NHSL1: variants seen among roughly 807,000 people sequenced by gnomAD.
NHSL1 encodes the protein NHS-like protein 1.
A neutral mutation model predicts 95.0 loss-of-function variants in NHSL1; 48 were observed. The ratio of observed to expected loss-of-function variants is 0.51; its 90% CI spans 0.40 to 0.64. The LOEUF (loss-of-function observed/expected upper bound fraction) is 0.64. Among genes scored for constraint, NHSL1 ranks in the 30% least tolerant of loss-of-function variants. NHSL1 has a pLI of 0.00. For missense variants in NHSL1, 1,971 were observed against 2,077.7 expected (o/e 0.95, Z 1.00); for synonymous variants, 783 against 833.9 (o/e 0.94, Z 1.05).
intron 1 of NHSL1, among the ~76,000 whole-genome samples, chr6:138,671,243 G>T (rs899219858): frequency 3.3e-5 from 5 of 152,002 alleles, no homozygotes; most frequent in Non-Finnish European, 7.4e-5. Context: ...GATCACTTAA[G>T]GTCAGGAGTT....
chr6:138,424,220 TC>T lies in NHSL1; in HGVS notation c.4681del (p.Asp1561ThrfsTer42). 6.6e-7 allele frequency: 1 copy of T among 1,505,560 alleles called. No homozygotes were observed. The highest frequency in any genetic ancestry group is 8.9e-7 in the Non-Finnish European group (1 of 1,128,752). The allele number at this position is 1,505,560 out of a possible 1,614,324, so 93.3% of individuals were successfully genotyped here. A position where few individuals can be genotyped will look rare whatever the true frequency, so the allele number is the denominator to read the frequency against. The part of the protein sequence containing the change: ...SLDGLAREEM[D>X]EGGLLCGEGP... ...CTCCCCACAGAGCAGGCCGCCCTCG[TC>T]CATCTCCTCCCTCGCCAGTCCGTCC... On this transcript the variant is annotated frameshift_variant, in exon 8 of 8. Coordinates refer to ENST00000343505, the MANE Select transcript of NHSL1 (RefSeq NM_001144060.2). LOFTEE classifies it low-confidence loss of function (END_TRUNC). The surrounding 1 kb of genome is among the most constrained non-coding windows in gnomAD (Gnocchi z 5.9).
rs1388655049 is a variant in NHSL1, at chr6:138,429,791, G to C, written c.4005C>G (p.Phe1335Leu). ...AAGSSSEACD[F>L]LKEDGNDEVM... ...CCTCATCATTCCCGTCTTCCTTGAG[G>C]AAGTCACAGGCCTCTGAGGATGAAC... The change falls in exon 7 of 8, where the codon TTC becomes TTG. Residue 1335 changes from phenylalanine (F) to leucine (L), a missense_variant. By Grantham distance (22) the Phe-to-Leu change is conservative (BLOSUM62 0). This residue lies in a region of NHSL1 where 146 missense variants were observed against 206.3 expected (regional missense o/e 0.71). Transcript: ENST00000343505. 1 of 1,551,640 alleles carries C rather than the reference G, an allele frequency of 6.4e-7. No individual in the cohort carries two copies. Among genetic ancestry groups the C allele is most frequent in the Non-Finnish European group, 8.7e-7 (1 of 1,146,996 alleles).
chr6:138,619,186 A>G (rs1164232431), intron 1 of NHSL1, among the ~76,000 whole-genome samples: 1 of 152,088 alleles, frequency 6.6e-6, no homozygotes, highest in Admixed American at 6.5e-5. Context: ...AAAAACACAA[A>G]AATTATCCGG....
intron 1 of NHSL1, among the ~76,000 whole-genome samples, chr6:138,603,210 T>C (rs1784393214): frequency 6.6e-6 from 1 of 152,074 alleles, no homozygotes; most frequent in African/African-American, 2.4e-5. Flanking sequence ...TTTTTTTAAA[T>C]TTTACATTTT....
chr6:138,632,147 G>T (rs1784827683), intron 1 of NHSL1, among the ~76,000 whole-genome samples: 2 of 152,244 alleles, frequency 1.3e-5, no homozygotes, highest in Admixed American at 6.5e-5. Flanking sequence ...TTGGGAAAGG[G>T]GAGGGAAAAG....
intron 1 of NHSL1, among the ~76,000 whole-genome samples, chr6:138,660,375 C>A (rs1785210968): frequency 6.6e-6 from 1 of 152,116 alleles, no homozygotes; most frequent in East Asian, 1.9e-4. Flanking sequence ...AAACTCAGAC[C>A]TGATTACATA....
At chr6:138,527,213 T>C (rs955026684) in intron 1 of NHSL1, among the ~76,000 whole-genome samples, 2 of 152,046 alleles carry the variant, frequency 1.3e-5, no homozygotes, top group African/African-American at 4.8e-5. Context: ...CAGATGAGGA[T>C]TTCTTTCATG....
intron 1 of NHSL1, among the ~76,000 whole-genome samples, chr6:138,668,633 T>C (rs1434987494): frequency 6.7e-6 from 1 of 149,904 alleles, no homozygotes; most frequent in African/African-American, 2.4e-5. Context: ...TTTCTTTTTT[T>C]TTTTTTTTTT....
At chr6:138,446,771 G>A (rs1469435175) in intron 4 of NHSL1, 2 of 532,936 alleles carry the variant, frequency 3.8e-6, no homozygotes. Context: ...GGACCACTGA[G>A]TTCTTTGACA....
At chr6:138,513,504 T>C (rs1781323754) in intron 1 of NHSL1, among the ~76,000 whole-genome samples, 1 of 152,180 alleles carries the variant, frequency 6.6e-6, no homozygotes, top group Non-Finnish European at 1.5e-5. Flanking sequence ...CCCAAGTAGC[T>C]GGGATGAGTA....
At chr6:138,567,136 G>C (rs1395722246) in intron 1 of NHSL1, among the ~76,000 whole-genome samples, 1 of 150,782 alleles carries the variant, frequency 6.6e-6, no homozygotes, top group Non-Finnish European at 1.5e-5. Context: ...CTTTATGTTT[G>C]TTTGGTTTTG....
At chr6:138,512,825 T>G (rs531910892) in intron 1 of NHSL1, among the ~76,000 whole-genome samples, 25 of 152,316 alleles carry the variant, frequency 1.6e-4, no homozygotes, top group Non-Finnish European at 1.5e-4. Context: ...TTTCAGAAGA[T>G]TCCCACAGTG....
intron 1 of NHSL1, among the ~76,000 whole-genome samples, chr6:138,625,581 T>C (rs2114641082): frequency 6.6e-6 from 1 of 151,426 alleles, no homozygotes; most frequent in Admixed American, 6.6e-5. Context: ...TCTTGAAGAA[T>C]AGTATAGTGC....
Position 138,524,598 on chromosome 6 carries a change from GT to G in NHSL1, c.16+21024del, listed in dbSNP as rs36002214. On this transcript the variant is annotated intron_variant, in intron 1 of 4. Transcript: ENST00000342260. ...GTTGTATTATTAATGGACATTTAGT[GT>G]TTTTTTTTCCAGTTTGGGGCTTTTA... Among the ~76,000 whole-genome samples, 41 of 151,110 alleles carry G rather than the reference GT, an allele frequency of 2.7e-4. 1 individual carries two copies. Among genetic ancestry groups the G allele is most frequent in the Admixed American group, 5.3e-4 (8 of 15,130 alleles).
chr6:138,438,662 T>G (rs1351622475), intron 5 of NHSL1, among the ~76,000 whole-genome samples: 1 of 152,138 alleles, frequency 6.6e-6, no homozygotes, highest in Non-Finnish European at 1.5e-5. Flanking sequence ...TTTCTTTTAT[T>G]AATAATATTT....
intron 3 of NHSL1, among the ~76,000 whole-genome samples, chr6:138,457,037 C>T (rs1047995076): frequency 7.9e-5 from 12 of 151,978 alleles, no homozygotes; most frequent in Admixed American, 2.0e-4. Flanking sequence ...CATGCCACCA[C>T]GCCTGGCTAA....
chr6:138,660,076 C>G (rs1455140163), intron 1 of NHSL1, among the ~76,000 whole-genome samples: 1 of 152,216 alleles, frequency 6.6e-6, no homozygotes, highest in Admixed American at 6.5e-5. Flanking sequence ...TAACACCTCA[C>G]ATTCCTCTTA....
chr6:138,680,845 G>T (rs1785503224), intron 1 of NHSL1, among the ~76,000 whole-genome samples: 1 of 152,110 alleles, frequency 6.6e-6, no homozygotes, highest in African/African-American at 2.4e-5. Flanking sequence ...TTGAACTCTT[G>T]AGTCACAGTG....
At position 138,496,372 on chromosome 6, in the gene NHSL1, C is replaced by A. The variant is rs199977393; in HGVS notation, c.59-1G>T. The A allele has an allele frequency of 7.9e-4, 1,229 of 1,549,756 alleles. 1 individual carries two copies. The highest frequency in any genetic ancestry group is 9.7e-4 in the Non-Finnish European group (1,116 of 1,146,738). On this transcript the variant is annotated splice_acceptor_variant, in intron 1 of 7. Coordinates refer to ENST00000343505, the MANE Select transcript of NHSL1 (RefSeq NM_001144060.2). LOFTEE classifies it high-confidence loss of function. ...CTTTCCTCATCTAGGTTGGAAACCG[C>A]TATAGAAAAAAAGATAGAATACATT... is the stretch of plus-strand genomic sequence containing the variant.
Sources: allele counts gnomAD v4.1 joint callset (sites outside exome capture counted in the v4.1 genomes callset), GRCh38; gene constraint gnomAD v4.1.1; regional missense constraint gnomAD v4.1.1; non-coding constraint Gnocchi (gnomAD v3.1); transcripts MANE v1.5; gene names NCBI Gene and HGNC (gene_info 2026-07-23, HGNC 2026-07-21).